The following TRNAU1AP variants were observed in gnomAD, a reference collection of about 807,000 sequenced individuals.
TRNAU1AP encodes the protein tRNA selenocysteine 1-associated protein 1.
A neutral mutation model predicts 43.3 loss-of-function variants in TRNAU1AP; 33 were observed. The ratio of observed to expected loss-of-function variants is 0.76; its 90% CI spans 0.58 to 1.02. TRNAU1AP has a LOEUF of 1.02. Among genes scored for constraint, TRNAU1AP ranks in the 50% least tolerant of loss-of-function variants. The pLI is 0.00. For synonymous variants in TRNAU1AP, 143 were observed against 129.1 expected (o/e 1.11, Z -0.73); for missense variants, 290 against 362.7 (o/e 0.80, Z 1.63).
chr1:28,561,244 G>T, intron 3 of TRNAU1AP, 102 bp from the exon 4 acceptor site: 1 of 1,537,974 alleles, frequency 6.5e-7, no homozygotes, highest in Non-Finnish European at 8.7e-7. Context: ...TAGAGAGGGG[G>T]AGATGTTTTG....
intron 3 of TRNAU1AP, chr1:28,560,985 A>G: frequency 8.3e-7 from 1 of 1,207,414 alleles, no homozygotes; most frequent in Non-Finnish European, 1.1e-6. Flanking sequence ...ATGCCTTTCC[A>G]TTCTGCATTG....
intron 8 of TRNAU1AP, among the ~76,000 whole-genome samples, chr1:28,577,028 T>G (rs1222206828): frequency 6.6e-6 from 1 of 152,212 alleles, no homozygotes. Flanking sequence ...AGTGTGCCAC[T>G]GTACTCTAGC....
chr1:28,554,640 A>C (rs941064961), intron 2 of TRNAU1AP, among the ~76,000 whole-genome samples: 7 of 152,026 alleles, frequency 4.6e-5, no homozygotes, highest in Non-Finnish European at 1.0e-4. Flanking sequence ...CAGGAGATTG[A>C]GACCATCCTG....
intron 2 of TRNAU1AP, among the ~76,000 whole-genome samples, chr1:28,554,250 G>A (rs1665203985): frequency 6.6e-6 from 1 of 151,626 alleles, no homozygotes; most frequent in African/African-American, 2.4e-5. Flanking sequence ...GCGAGACTGG[G>A]TTTGAAAGCT....
At chr1:28,571,076 AAGTT>A in intron 6 of TRNAU1AP, 96 bp from the exon 7 acceptor site, 1 of 1,206,108 alleles carries the variant, frequency 8.3e-7, no homozygotes, top group Admixed American at 2.1e-5. Flanking sequence ...AGAAAAAAAA[AAGTT>A]AATCGGTATA....
chr1:28,577,192 T>G (rs1460944627), intron 8 of TRNAU1AP, among the ~76,000 whole-genome samples: 2 of 152,214 alleles, frequency 1.3e-5, no homozygotes, highest in Admixed American at 1.3e-4. Context: ...TTAATAACTT[T>G]GATCAGACCT....
At position 28,571,227 on chromosome 1, in the gene TRNAU1AP, C is replaced by A; in HGVS notation, c.582C>A (p.Asn194Lys). The change falls in exon 7 of 9, where the codon AAC becomes AAA. Residue 194 changes from asparagine (N) to lysine (K), a missense_variant. By Grantham distance (94) the Asn-to-Lys change is moderately conservative. This residue lies in a region of TRNAU1AP where 174 missense variants were observed against 262.1 expected (regional missense o/e 0.66). Transcript: ENST00000373830. ...GTCAGATGTACAGTTATAGCTACAA[C>A]CAGTATTATCAGCAGTACCAGAACT... is the stretch of plus-strand genomic sequence containing the variant. ...EYSQMYSYSY[N>K]QYYQQYQNYY... The A allele has an allele frequency of 6.2e-7, 1 of 1,614,008 alleles. No individual in the cohort carries two copies. Among genetic ancestry groups the A allele is most frequent in the Non-Finnish European group, 8.5e-7 (1 of 1,179,922 alleles).
chr1:28,554,208 A>C (rs1055545968), intron 2 of TRNAU1AP, among the ~76,000 whole-genome samples: 17 of 145,542 alleles, frequency 1.2e-4, no homozygotes, highest in African/African-American at 4.5e-4. Flanking sequence ...CAAAAAAAAA[A>C]AAAACAAAAA....
intron 8 of TRNAU1AP, among the ~76,000 whole-genome samples, chr1:28,575,868 T>C (rs1353476164): frequency 7.0e-6 from 1 of 142,886 alleles, no homozygotes; most frequent in African/African-American, 2.7e-5. Flanking sequence ...TTTTTTTTTT[T>C]TTTTTTTTTT....
chr1:28,560,673 G>A lies in TRNAU1AP; in HGVS notation c.166G>A (p.Ala56Thr). Residue 56 changes from alanine (A) to threonine (T), a missense_variant, in exon 3 of 9, where the codon GCC becomes ACC. Ala to Thr is a moderately conservative substitution (Grantham distance 58). Coordinates refer to ENST00000373830, the MANE Select transcript of TRNAU1AP (RefSeq NM_017846.5). ...CTGCTTTGTAGAATTTGCAGATTTGGCCACAGCTGAGAAGTGTTTGCATAA... is the reference window on the plus strand; with the variant it reads ...CTGCTTTGTAGAATTTGCAGATTTGACCACAGCTGAGAAGTGTTTGCATAA... ...GYCFVEFADL[A>T]TAEKCLHKIN... The A allele has an allele frequency of 6.2e-7, 1 of 1,614,024 alleles. No individual in the cohort carries two copies. The highest frequency in any genetic ancestry group is 8.5e-7 in the Non-Finnish European group (1 of 1,180,002).
intron 6 of TRNAU1AP, among the ~76,000 whole-genome samples, chr1:28,570,229 G>A (rs1011590343): frequency 6.6e-6 from 1 of 152,012 alleles, no homozygotes; most frequent in African/African-American, 2.4e-5. Flanking sequence ...GATTATAGGC[G>A]TGAGCTACCA....
rs897257490 is a variant in TRNAU1AP, at chr1:28,563,629, A to G, written c.279-1074A>G. 4.0e-5 allele frequency among the ~76,000 whole-genome samples: 6 copies of G among 151,572 alleles called. No homozygotes were observed. In the South Asian group the frequency reaches 1.0e-3, roughly 26 times the overall value. ...AACCTGAGAAGCAGAGGTTGCAGTG[A>G]GCTGAGATTGCGCCACTTCACTCCA... On this transcript the variant is annotated intron_variant, in intron 4 of 8. Coordinates refer to ENST00000373830, the MANE Select transcript of TRNAU1AP (RefSeq NM_017846.5).
intron 8 of TRNAU1AP, among the ~76,000 whole-genome samples, chr1:28,574,886 C>T (rs368783355): frequency 1.3e-5 from 2 of 152,172 alleles, no homozygotes; most frequent in Admixed American, 6.6e-5. Context: ...TTTCTTGTGT[C>T]CTCTCATGTG....
chr1:28,553,169 A>G, intron 1 of TRNAU1AP, 32 bp downstream of exon 1: 2 of 1,479,326 alleles, frequency 1.4e-6, no homozygotes, highest in Non-Finnish European at 1.8e-6. Flanking sequence ...GGGTCTGAAG[A>G]CAAGGAAGCA....
chr1:28,569,284 G>A (rs1187563756), intron 6 of TRNAU1AP, among the ~76,000 whole-genome samples: 3 of 152,158 alleles, frequency 2.0e-5, no homozygotes, highest in Non-Finnish European at 2.9e-5. Context: ...AGTCCCAGCT[G>A]CTCTGGTGGC....
chr1:28,570,600 C>T (rs952490594), intron 6 of TRNAU1AP, among the ~76,000 whole-genome samples: 2 of 151,720 alleles, frequency 1.3e-5, no homozygotes, highest in Non-Finnish European at 2.9e-5. Context: ...CCAGTCCTGA[C>T]ATAGTTTGTT....
chr1:28,564,459 C>T (rs1665492471), intron 4 of TRNAU1AP, among the ~76,000 whole-genome samples: 1 of 152,194 alleles, frequency 6.6e-6, no homozygotes, highest in South Asian at 2.1e-4. Context: ...CACACATCTG[C>T]ACTCATGTAA....
In TRNAU1AP at chr1:28,578,389, C is replaced by G. The variant is rs946599593; in HGVS notation, c.*753C>G. 1 of 203,490 alleles carries G rather than the reference C, an allele frequency of 4.9e-6. No individual in the cohort carries two copies. Among genetic ancestry groups the G allele is most frequent in the East Asian group, 1.4e-4 (1 of 7,204 alleles). 12.6% of individuals were successfully genotyped at this position (203,490 alleles called of 1,614,324 possible). On this transcript the variant is annotated 3_prime_UTR_variant, in exon 9 of 9. Transcript: ENST00000373830. ...CAACCTTGTCATGTGTTGGGACTTA[C>G]TGCTTGAGGCAAAGCATTCATCCTA...
intron 8 of TRNAU1AP, among the ~76,000 whole-genome samples, chr1:28,572,785 A>G (rs1350715706): frequency 1.3e-5 from 2 of 151,072 alleles, no homozygotes; most frequent in Admixed American, 1.3e-4. Flanking sequence ...AATAGAAAAA[A>G]TTAGCCGGGT....
Sources: allele counts gnomAD v4.1 joint callset (sites outside exome capture counted in the v4.1 genomes callset), GRCh38; gene constraint gnomAD v4.1.1; regional missense constraint gnomAD v4.1.1; transcripts MANE v1.5; gene names NCBI Gene and HGNC (gene_info 2026-07-23, HGNC 2026-07-21).